The following CCDC7 variants were observed in gnomAD, a reference collection of about 807,000 sequenced individuals.
The protein encoded by CCDC7 is coiled-coil domain containing 7, also known as coiled-coil domain-containing protein 7.
CCDC7 carries 183 observed loss-of-function variants against 196.9 expected under a neutral mutation model. The ratio of observed to expected loss-of-function variants is 0.93; its 90% CI spans 0.82 to 1.05. The LOEUF (loss-of-function observed/expected upper bound fraction) is 1.05. Ranked by LOEUF, CCDC7 falls within the 50% of genes least tolerant of loss-of-function variation. The probability of loss-of-function intolerance (pLI) is 0.00; values close to 1 mark genes in which losing one functional copy is unlikely to be tolerated. For synonymous variants in CCDC7, 525 were observed against 484.6 expected, an observed-to-expected ratio of 1.08 and a Z score of -1.10; for missense variants, 1,540 against 1,482.2, an observed-to-expected ratio of 1.04 and a Z score of -0.64.
At chr10:32,801,876 T>C (rs1251446536) in intron 29 of CCDC7, among the ~76,000 whole-genome samples, 1 of 152,194 alleles carries the variant, frequency 6.6e-6, no homozygotes. Flanking sequence ...GGCTGTTTCC[T>C]CCGCCCAAAA....
chr10:32,744,405 C>T (rs1268199607), intron 28 of CCDC7, among the ~76,000 whole-genome samples: 2 of 150,558 alleles, frequency 1.3e-5, no homozygotes, highest in Non-Finnish European at 3.0e-5. Context: ...GCCAAAGTGT[C>T]TTCCAGAGTG....
At chr10:32,795,740 A>G (rs1235801445) in intron 29 of CCDC7, among the ~76,000 whole-genome samples, 6 of 152,138 alleles carry the variant, frequency 3.9e-5, no homozygotes, top group African/African-American at 1.4e-4. Flanking sequence ...TTTCCATATT[A>G]AATTTTTTTC....
intron 8 of CCDC7, among the ~76,000 whole-genome samples, chr10:32,483,804 T>G (rs1460386920): frequency 2.0e-5 from 3 of 152,060 alleles, no homozygotes; most frequent in South Asian, 2.1e-4. Flanking sequence ...TCAGATGGTT[T>G]TCGATGTGTG....
intron 25 of CCDC7, among the ~76,000 whole-genome samples, chr10:32,725,020 G>T (rs550085602): frequency 6.6e-6 from 1 of 151,966 alleles, no homozygotes; most frequent in Non-Finnish European, 1.5e-5. Flanking sequence ...TAGAATACAC[G>T]TATATATTTA....
At chr10:32,453,939 T>G (rs2033731217) in intron 2 of CCDC7, among the ~76,000 whole-genome samples, 1 of 152,220 alleles carries the variant, frequency 6.6e-6, no homozygotes, top group Non-Finnish European at 1.5e-5. Flanking sequence ...GAATAGCTAC[T>G]GAATCCAGCA....
intron 7 of CCDC7, 55 bp from the exon 9 acceptor site, chr10:32,473,908 CAATT>C (rs2038451330): frequency 2.0e-6 from 3 of 1,464,260 alleles, no homozygotes; most frequent in South Asian, 1.4e-5. Context: ...AATTTAAACT[CAATT>C]AGTATATATA....
At chr10:32,730,224 C>T (rs996263034) in intron 28 of CCDC7, among the ~76,000 whole-genome samples, 3 of 152,086 alleles carry the variant, frequency 2.0e-5, no homozygotes, top group Admixed American at 6.6e-5. Flanking sequence ...GTTCAACTCC[C>T]ATTTATAAGA....
chr10:32,703,833 A>C (rs1396397929), intron 24 of CCDC7, among the ~76,000 whole-genome samples: 2 of 152,018 alleles, frequency 1.3e-5, no homozygotes, highest in Non-Finnish European at 2.9e-5. Context: ...TGCATTCGTC[A>C]CGTAGTTCTC....
chr10:32,486,177 G>T (rs1420864758), intron 8 of CCDC7, among the ~76,000 whole-genome samples: 4 of 152,146 alleles, frequency 2.6e-5, no homozygotes, highest in African/African-American at 9.7e-5. Context: ...GAATCTGGGT[G>T]CTCCTGTATT....
At chr10:32,631,252 A>G (rs1237913339) in intron 18 of CCDC7, among the ~76,000 whole-genome samples, 1 of 152,176 alleles carries the variant, frequency 6.6e-6, no homozygotes, top group Non-Finnish European at 1.5e-5. Context: ...ACAAAAATTT[A>G]CTTCTCTATT....
chr10:32,545,320 GA>G (rs1313918914), intron 13 of CCDC7, among the ~76,000 whole-genome samples: 4 of 152,188 alleles, frequency 2.6e-5, no homozygotes, highest in Non-Finnish European at 5.9e-5. Flanking sequence ...TAGATGTTTA[GA>G]GTACTGTACA....
At chr10:32,724,855 C>G (rs1430245640) in intron 25 of CCDC7, among the ~76,000 whole-genome samples, 3 of 152,074 alleles carry the variant, frequency 2.0e-5, no homozygotes, top group Non-Finnish European at 4.4e-5. Context: ...CCCATACCTG[C>G]ACATCCCTAC....
intron 21 of CCDC7, among the ~76,000 whole-genome samples, chr10:32,671,568 A>G (rs2074066492): frequency 6.6e-6 from 1 of 152,278 alleles, no homozygotes; most frequent in Non-Finnish European, 1.5e-5. Flanking sequence ...TTTATGAGGC[A>G]GTTCTTATAT....
intron 28 of CCDC7, among the ~76,000 whole-genome samples, chr10:32,747,306 G>A (rs2133345682): frequency 6.6e-6 from 1 of 152,230 alleles, no homozygotes; most frequent in African/African-American, 2.4e-5. Context: ...CACATGCCCT[G>A]GCAAAGATTT....
chr10:32,745,991 T>C (rs965913214), intron 28 of CCDC7, among the ~76,000 whole-genome samples: 1 of 152,180 alleles, frequency 6.6e-6, no homozygotes, highest in African/African-American at 2.4e-5. Flanking sequence ...TGTTGTGTTT[T>C]TCATTTCAAA....
chr10:32,805,161 G>A, intron 30 of CCDC7, 63 bp downstream of exon 31: 1 of 1,187,830 alleles, frequency 8.4e-7, no homozygotes, highest in Admixed American at 1.7e-5. Context: ...GTTTAAGTGT[G>A]TATCCTTAAT....
At chr10:32,703,509 C>T (rs970831798) in intron 24 of CCDC7, among the ~76,000 whole-genome samples, 4 of 151,908 alleles carry the variant, frequency 2.6e-5, no homozygotes, top group East Asian at 1.9e-4. Context: ...TTGCTGTTCT[C>T]GAGGAGTATC....
At chr10:32,476,393 GTTTA>G (rs2038987830) in intron 8 of CCDC7, among the ~76,000 whole-genome samples, 1 of 151,816 alleles carries the variant, frequency 6.6e-6, no homozygotes, top group African/African-American at 2.4e-5. Context: ...TAGTTTGACA[GTTTA>G]TTTCTTTTTA....
At chr10:32,850,728 T>C (rs187419188) in intron 39 of CCDC7, among the ~76,000 whole-genome samples, 11 of 152,098 alleles carry the variant, frequency 7.2e-5, no homozygotes, top group Admixed American at 7.2e-4. Flanking sequence ...ATGATATGAC[T>C]TCTTTTGATT....
Sources: allele counts gnomAD v4.1 joint callset (sites outside exome capture counted in the v4.1 genomes callset), GRCh38; gene constraint gnomAD v4.1.1; transcripts MANE v1.5; gene names NCBI Gene and HGNC (gene_info 2026-07-23, HGNC 2026-07-21).